Variants in STAG1 observed in about 807,000 individuals in gnomAD.
STAG1 encodes the protein STAG1 cohesin complex component.
In STAG1, 26 loss-of-function variants were observed where a neutral mutation model predicts 170.9. That is an observed-to-expected ratio of 0.15 (90% CI 0.11 to 0.21). STAG1 has a LOEUF of 0.21. Ranked by LOEUF, STAG1 falls within the 10% of genes least tolerant of loss-of-function variation. STAG1 has a pLI of 1.00. For synonymous variants in STAG1, 514 were observed against 497.7 expected, an observed-to-expected ratio of 1.03 and a Z score of -0.44; for missense variants, 964 against 1,509.5, an observed-to-expected ratio of 0.64 and a Z score of 5.99.
chr3:136,452,230 T>TAAC (rs1038991332), intron 13 of STAG1, 83 bp from the exon 14 acceptor site: 24 of 839,836 alleles, frequency 2.9e-5, no homozygotes, highest in Middle Eastern at 4.5e-4. Flanking sequence ...TTTCAGTGTT[T>TAAC]AACAACAACA....
intron 6 of STAG1, among the ~76,000 whole-genome samples, chr3:136,540,764 G>A (rs1935849234): frequency 8.3e-6 from 1 of 120,374 alleles, no homozygotes; most frequent in East Asian, 3.0e-4. Flanking sequence ...AGAGGTTAAA[G>A]TAAGCTGAGA....
intron 16 of STAG1, 48 bp downstream of exon 16, chr3:136,433,508 A>C: frequency 7.4e-7 from 1 of 1,351,214 alleles, no homozygotes; most frequent in Middle Eastern, 1.8e-4. Context: ...TAAGACAGTT[A>C]ATTGCCATTA....
intron 1 of STAG1, among the ~76,000 whole-genome samples, chr3:136,691,590 A>T (rs1298111519): frequency 6.6e-6 from 1 of 152,188 alleles, no homozygotes; most frequent in Non-Finnish European, 1.5e-5. Flanking sequence ...GTGTCTGAGA[A>T]ACCCTCAAAG....
chr3:136,737,896 C>T (rs1019306063), intron 1 of STAG1, among the ~76,000 whole-genome samples: 4 of 151,768 alleles, frequency 2.6e-5, no homozygotes, highest in African/African-American at 7.3e-5. Flanking sequence ...GGTGAAACCC[C>T]GTCTCTACTA....
intron 14 of STAG1, among the ~76,000 whole-genome samples, chr3:136,444,798 T>C (rs910454162): frequency 2.6e-5 from 4 of 152,208 alleles, no homozygotes; most frequent in Non-Finnish European, 4.4e-5. Context: ...CTTGGCACAT[T>C]CAGCACTTGA....
At chr3:136,606,870 T>C (rs1228352572) in intron 3 of STAG1, among the ~76,000 whole-genome samples, 4 of 150,948 alleles carry the variant, frequency 2.6e-5, no homozygotes, top group African/African-American at 9.7e-5. Flanking sequence ...TGCCTCAGCC[T>C]CCCGAGTAGC....
chr3:136,488,153 C>T (rs969493672), intron 9 of STAG1, among the ~76,000 whole-genome samples: 2 of 152,246 alleles, frequency 1.3e-5, no homozygotes, highest in African/African-American at 2.4e-5. Context: ...GACGGAGTCT[C>T]ATTCTGTCAC....
At chr3:136,475,379 T>G (rs1436749347) in intron 10 of STAG1, among the ~76,000 whole-genome samples, 1 of 152,082 alleles carries the variant, frequency 6.6e-6, no homozygotes, top group Non-Finnish European at 1.5e-5. Flanking sequence ...ACTCCTGACC[T>G]CAGGTGATCC....
chr3:136,737,379 G>A (rs552987641), intron 1 of STAG1: 5 of 350,082 alleles, frequency 1.4e-5, no homozygotes, highest in South Asian at 1.2e-4. Context: ...TGGGATTACA[G>A]GCGTGAGCCA....
At chr3:136,416,915 G>T (rs943203458) in intron 21 of STAG1, among the ~76,000 whole-genome samples, 1 of 144,544 alleles carries the variant, frequency 6.9e-6, no homozygotes, top group Non-Finnish European at 1.5e-5. Flanking sequence ...GCACCATCTT[G>T]GCTCACTCCA....
chr3:136,486,806 C>T (rs1036941372), intron 9 of STAG1, among the ~76,000 whole-genome samples: 1 of 152,022 alleles, frequency 6.6e-6, no homozygotes, highest in Non-Finnish European at 1.5e-5. Context: ...CTGTTTGCAA[C>T]AGGCTAGAGA....
chr3:136,631,003 T>G (rs1940309692), intron 1 of STAG1, 22 bp from the exon 2 acceptor site: 2 of 1,131,684 alleles, frequency 1.8e-6, no homozygotes, highest in Admixed American at 2.9e-5. Context: ...AAAAAAGAAA[T>G]TATTTTAAAA....
In STAG1 at chr3:136,739,617, C is replaced by G. The variant is rs147604160; in HGVS notation, c.-84+12578G>C. Among the ~76,000 whole-genome samples the G allele has an allele frequency of 1.3e-3, 195 of 151,082 alleles. 1 individual carries two copies. The highest frequency in any genetic ancestry group is 4.4e-3 in the African/African-American group (180 of 41,182). ...AGAGGATTGCCTGAGGTCAGGAGTTCGAGACCAGCCTGGCCAACATAGTGA... is the reference window on the plus strand; with the variant it reads ...AGAGGATTGCCTGAGGTCAGGAGTTGGAGACCAGCCTGGCCAACATAGTGA... On this transcript the variant is annotated intron_variant, in intron 1 of 33. Transcript: ENST00000383202.
chr3:136,589,703 G>T (rs1456064694), intron 4 of STAG1, among the ~76,000 whole-genome samples: 2 of 150,700 alleles, frequency 1.3e-5, no homozygotes, highest in African/African-American at 4.9e-5. Context: ...GGCCAAGGTG[G>T]GTCCATCACT....
intron 7 of STAG1, among the ~76,000 whole-genome samples, chr3:136,508,724 T>C (rs1256375123): frequency 6.6e-6 from 1 of 152,214 alleles, no homozygotes; most frequent in Non-Finnish European, 1.5e-5. Context: ...CCTGAGTTTC[T>C]AGCCTGCTCC....
intron 10 of STAG1, among the ~76,000 whole-genome samples, chr3:136,474,753 C>T (rs1221606086): frequency 6.6e-6 from 1 of 152,186 alleles, no homozygotes; most frequent in Non-Finnish European, 1.5e-5. Context: ...CTGCTGATGC[C>T]CTACCCAGGT....
chr3:136,514,507 T>A (rs1934244748), intron 7 of STAG1, among the ~76,000 whole-genome samples: 1 of 152,196 alleles, frequency 6.6e-6, no homozygotes, highest in African/African-American at 2.4e-5. Flanking sequence ...AGTGTGGTGA[T>A]TCCCCAGTTA....
At chr3:136,436,216 A>G (rs2088457520) in intron 15 of STAG1, among the ~76,000 whole-genome samples, 1 of 152,064 alleles carries the variant, frequency 6.6e-6, no homozygotes, top group South Asian at 2.1e-4. Flanking sequence ...TCAGCCTCTC[A>G]AAGTGCTGAG....
intron 1 of STAG1, among the ~76,000 whole-genome samples, chr3:136,744,932 T>A (rs1934861745): frequency 6.6e-6 from 1 of 152,132 alleles, no homozygotes; most frequent in South Asian, 2.1e-4. Flanking sequence ...CGCCTCGGCC[T>A]CCCAGAGTGC....
Sources: gnomAD v4.1 joint callset for allele counts (sites outside exome capture counted in the v4.1 genomes callset) on GRCh38, gnomAD v4.1.1 for gene constraint, MANE v1.5 for transcripts, NCBI Gene and HGNC (gene_info 2026-07-23, HGNC 2026-07-21) for gene names.